Variants in TMEM181 observed in about 807,000 individuals in gnomAD.
TMEM181 encodes G protein-coupled receptor 178.
A neutral mutation model predicts 71.9 loss-of-function variants in TMEM181; 39 were observed. That is an observed-to-expected ratio of 0.54 (90% CI 0.42 to 0.71). The LOEUF (loss-of-function observed/expected upper bound fraction) is 0.71, where lower values mean the gene tolerates loss of function less well. Ranked by LOEUF, TMEM181 falls within the 30% of genes least tolerant of loss-of-function variation. The probability of loss-of-function intolerance (pLI) is 0.00; values close to 1 mark genes in which losing one functional copy is unlikely to be tolerated. For missense variants in TMEM181, 595 were observed against 583.0 expected (o/e 1.02, Z -0.21); for synonymous variants, 245 against 228.8 (o/e 1.07, Z -0.64).
At chr6:158,619,327 A>G (rs551913054) in intron 10 of TMEM181, among the ~76,000 whole-genome samples, 2 of 152,220 alleles carry the variant, frequency 1.3e-5, no homozygotes, top group South Asian at 2.1e-4. Flanking sequence ...TTCTTATGCC[A>G]TGGTTTTCAG....
intron 8 of TMEM181, among the ~76,000 whole-genome samples, chr6:158,607,964 A>C (rs1785047124): frequency 6.6e-6 from 1 of 152,358 alleles, no homozygotes; most frequent in East Asian, 1.9e-4. Context: ...GAGCTGCCGC[A>C]GTCGGAACTC....
upstream of TMEM181, among the ~76,000 whole-genome samples, chr6:158,559,649 C>A (rs969404053): frequency 6.6e-6 from 1 of 152,180 alleles, no homozygotes; most frequent in African/African-American, 2.4e-5. Flanking sequence ...TGTCATCATT[C>A]GGGGTGGCAG....
At chr6:158,559,236 C>T (rs1164114510), upstream of TMEM181, among the ~76,000 whole-genome samples, 3 of 152,194 alleles carry the variant, frequency 2.0e-5, no homozygotes, top group African/African-American at 7.2e-5. Flanking sequence ...GCACCCTGAG[C>T]TAAGGCTACC....
chr6:158,538,454 C>CTTTTT (rs111437459), intron 1 of TMEM181, among the ~76,000 whole-genome samples: 3,016 of 143,880 alleles, frequency 0.021, 99 homozygotes, highest in African/African-American at 0.071. Context: ...CATGCCTGGC[C>CTTTTT]TTTTTTTTTT....
At chr6:158,554,759 C>G (rs1363074712) in intron 1 of TMEM181, among the ~76,000 whole-genome samples, 1 of 152,160 alleles carries the variant, frequency 6.6e-6, no homozygotes, top group East Asian at 1.9e-4. Context: ...AAACAAATAT[C>G]CACACACAGA....
intron 1 of TMEM181, among the ~76,000 whole-genome samples, chr6:158,561,251 T>C (rs1782157076): frequency 6.6e-6 from 1 of 152,262 alleles, no homozygotes; most frequent in Admixed American, 6.5e-5. Context: ...GATCTGTTTT[T>C]CCTTCTGCTT....
At chr6:158,563,664 A>G (rs920613389) in intron 1 of TMEM181, among the ~76,000 whole-genome samples, 5 of 152,224 alleles carry the variant, frequency 3.3e-5, no homozygotes, top group Non-Finnish European at 7.3e-5. Context: ...TGCTGAACTG[A>G]CCAACATGCT....
At position 158,633,872 on chromosome 6, in the gene TMEM181, T is replaced by C. The variant is rs767441498; in HGVS notation, c.*1984T>C. On this transcript the variant is annotated 3_prime_UTR_variant, in exon 17 of 17. Coordinates refer to ENST00000684151, the MANE Select transcript of TMEM181 (RefSeq NM_001376852.1). The stretch of plus-strand genomic sequence containing the variant: ...TTTACAACTTCTAATAAGACTACTA[T>C]AACTTTATGTAAACTGATGAAGATG... The C allele has an allele frequency of 2.0e-5, 3 of 152,234 alleles. No homozygotes were observed. Among genetic ancestry groups the C allele is most frequent in the Admixed American group, 1.3e-4 (2 of 15,288 alleles). 9.4% of individuals were successfully genotyped at this position (152,234 alleles called of 1,614,324 possible). A position where few individuals can be genotyped will look rare whatever the true frequency, so the allele number is the denominator to read the frequency against.
rs149949887 is a variant in TMEM181 at position 158,562,214 on chromosome 6, A to C, written c.8+1982A>C. Among the ~76,000 whole-genome samples the C allele has an allele frequency of 4.1e-3, 629 of 152,256 alleles. 3 individuals carry two copies. The highest frequency in any genetic ancestry group is 6.8e-3 in the Middle Eastern group (2 of 294). ...ATTGCCATCAAAACTCATCAGCAAAAAAGGTTAGCAGTTCTTAACAGTTTT... is the reference window on the plus strand; with the variant it reads ...ATTGCCATCAAAACTCATCAGCAAACAAGGTTAGCAGTTCTTAACAGTTTT... On this transcript the variant is annotated intron_variant, in intron 1 of 16. Transcript: ENST00000684151.
chr6:158,555,438 A>G (rs1781849344), upstream of TMEM181, among the ~76,000 whole-genome samples: 1 of 152,238 alleles, frequency 6.6e-6, no homozygotes, highest in Admixed American at 6.5e-5. Context: ...GGTTTAAAAA[A>G]TCTTGGCTGG....
At chr6:158,605,011 G>A (rs1784865115) in intron 6 of TMEM181, among the ~76,000 whole-genome samples, 2 of 151,916 alleles carry the variant, frequency 1.3e-5, no homozygotes, top group Admixed American at 6.6e-5. Context: ...CTACTCAGGA[G>A]GCTGAGGTAG....
At chr6:158,571,571 TA>T (rs1410600695) in intron 1 of TMEM181, among the ~76,000 whole-genome samples, 1 of 151,656 alleles carries the variant, frequency 6.6e-6, no homozygotes, top group Non-Finnish European at 1.5e-5. Context: ...GTGCTGGGAT[TA>T]TAGGCATGAG....
intron 1 of TMEM181, among the ~76,000 whole-genome samples, chr6:158,571,976 T>G (rs1222286744): frequency 6.6e-6 from 1 of 152,256 alleles, no homozygotes; most frequent in Non-Finnish European, 1.5e-5. Context: ...CCCAGCTCTC[T>G]TGTCTCATGT....
At chr6:158,539,312 G>C (rs3861969) in intron 1 of TMEM181, among the ~76,000 whole-genome samples, 143,193 of 152,294 alleles carry the variant, frequency 0.94, 67,421 homozygotes, top group East Asian at 1. Flanking sequence ...GAACTATCTT[G>C]AGTAGCTCCA....
At chr6:158,603,641 T>G (rs1296045048) in intron 6 of TMEM181, among the ~76,000 whole-genome samples, 1 of 151,436 alleles carries the variant, frequency 6.6e-6, no homozygotes, top group Non-Finnish European at 1.5e-5. Context: ...TTGCTGTGCC[T>G]TCACATTTAC....
At chr6:158,551,720 A>G (rs550991894) in intron 1 of TMEM181, among the ~76,000 whole-genome samples, 9 of 152,330 alleles carry the variant, frequency 5.9e-5, no homozygotes, top group Non-Finnish European at 8.8e-5. Flanking sequence ...TAGATTTAAC[A>G]TAACACGTAA....
chr6:158,631,402 C>T lies in TMEM181; in HGVS notation c.1349+13C>T, dbSNP rs753966261. 6.2e-7 allele frequency: 1 copy of T among 1,614,106 alleles called. No individual in the cohort carries two copies. The highest frequency in any genetic ancestry group is 2.2e-5 in the East Asian group (1 of 44,866). ...ATGTGATTTATGGGTAAGTCCCTGTCCGTTAGAAGGCCGGCACACCTTGGG... is the reference window on the plus strand; with the variant it reads ...ATGTGATTTATGGGTAAGTCCCTGTTCGTTAGAAGGCCGGCACACCTTGGG... On this transcript the variant is annotated intron_variant, in intron 16 of 16. Coordinates refer to ENST00000684151, the MANE Select transcript of TMEM181 (RefSeq NM_001376852.1).
chr6:158,539,046 G>T (rs923837341), intron 1 of TMEM181, among the ~76,000 whole-genome samples: 1 of 152,142 alleles, frequency 6.6e-6, no homozygotes, highest in Non-Finnish European at 1.5e-5. Context: ...TTTTACACGG[G>T]ACAAGTGACA....
intron 6 of TMEM181, among the ~76,000 whole-genome samples, chr6:158,598,545 GC>G (rs1259525390): frequency 1.3e-5 from 2 of 151,974 alleles, no homozygotes; most frequent in Non-Finnish European, 2.9e-5. Context: ...TTTCCTGAGT[GC>G]TGCCCGGCTT....
Sources: gnomAD v4.1 joint callset for allele counts (sites outside exome capture counted in the v4.1 genomes callset) on GRCh38, gnomAD v4.1.1 for gene constraint, MANE v1.5 for transcripts, NCBI Gene and HGNC (gene_info 2026-07-23, HGNC 2026-07-21) for gene names.